BTD: variants seen among roughly 807,000 people sequenced by gnomAD.
BTD encodes the protein biocytinase.
BTD carries 13 observed loss-of-function variants against 17.7 expected under a neutral mutation model. The observed-to-expected ratio is 0.74, with a 90% CI of 0.48 to 1.17. BTD has a LOEUF of 1.17. Ranked by LOEUF, BTD falls within the 50% of genes most tolerant of loss-of-function variation. The probability of loss-of-function intolerance (pLI) is 0.00; values close to 1 mark genes in which losing one functional copy is unlikely to be tolerated. For synonymous variants in BTD, 240 were observed against 245.2 expected (o/e 0.98, Z 0.20); for missense variants, 674 against 650.4 (o/e 1.04, Z -0.39).
In BTD at chr3:15,644,828, C is replaced by G. The variant is rs1449860088; in HGVS notation, c.912C>G (p.Asp304Glu). Residue 304 changes from aspartate (D) to glutamate (E), a missense_variant, in exon 4 of 4, where the codon GAC becomes GAG. Asp to Glu is a conservative substitution (Grantham distance 45, BLOSUM62 2). Transcript: ENST00000643237. ...HTPLESFWYH[D>E]MENPKSHLII... ...CTCTGGAGTCCTTTTGGTACCATGA[C>G]ATGGAAAATCCCAAAAGTCACCTTA... is the stretch of plus-strand genomic sequence containing the variant. 5 of 1,614,100 alleles carry G rather than the reference C, an allele frequency of 3.1e-6. No homozygotes were observed. The Admixed American group carries it at 6.7e-5, about 22-fold the overall frequency.
In BTD at chr3:15,676,896, C is replaced by T. The variant is rs938035476; in HGVS notation, c.400-33164C>T. On this transcript the variant is annotated intron_variant, in intron 3 of 3. Transcript: ENST00000672141. ...GACTAATGAAACCTATTCCAATAGT[C>T]ACATGTTTAAAAAAATCCATTTATC... is the stretch of plus-strand genomic sequence containing the variant. The T allele has an allele frequency of 8.3e-6, 10 of 1,209,016 alleles. No individual in the cohort carries two copies. The African/African-American group carries it at 1.2e-4, about 15-fold the overall frequency. The allele number at this position is 1,209,016 out of a possible 1,614,324, so 74.9% of individuals were successfully genotyped here. A position where few individuals can be genotyped will look rare whatever the true frequency, so the allele number is the denominator to read the frequency against.
exon 4 of BTD, chr3:15,712,085 A>C: frequency 1.5e-6 from 2 of 1,347,612 alleles, no homozygotes; most frequent in Non-Finnish European, 2.1e-6. Flanking sequence ...GAGACCATCT[A>C]AAAATTTTGA....
At position 15,685,185 on chromosome 3, in the gene BTD, T is replaced by C. The variant is rs55669002; in HGVS notation, c.400-24875T>C. 6,958 of 1,593,674 alleles carry C rather than the reference T, an allele frequency of 4.4e-3. 270 individuals carry two copies. The African/African-American group carries it at 0.078, about 18-fold the overall frequency. On this transcript the variant is annotated intron_variant, in intron 3 of 3. Coordinates refer to the BTD transcript ENST00000672141. ...TAAATATGTCATTCTTTTATCTCTGTTCACTACACAATGATATGCATTTGT... is the reference window on the plus strand; with the variant it reads ...TAAATATGTCATTCTTTTATCTCTGCTCACTACACAATGATATGCATTTGT...
Position 15,651,281 on chromosome 3 carries a change from A to G in BTD, c.*5793A>G, listed in dbSNP as rs960450197. Among the ~76,000 whole-genome samples the G allele has an allele frequency of 1.3e-5, 2 of 152,196 alleles. No individual in the cohort carries two copies. The highest frequency in any genetic ancestry group is 4.8e-5 in the African/African-American group (2 of 41,452). ...CGAGGCTTTTTTCCTCTGAGCAGAA[A>G]TTTCACTGTGATGCCAGTCAGGTAT... On this transcript the variant is annotated 3_prime_UTR_variant, in exon 4 of 4. Transcript: ENST00000643237.
chr3:15,636,592 A>G (rs372583586), intron 2 of BTD, among the ~76,000 whole-genome samples: 1 of 152,326 alleles, frequency 6.6e-6, no homozygotes, highest in East Asian at 1.9e-4. Flanking sequence ...AACAGGATGT[A>G]AACTCATTGT....
intron 3 of BTD, chr3:15,677,738 AT>A (rs993909824): frequency 1.7e-5 from 8 of 461,554 alleles, no homozygotes; most frequent in Non-Finnish European, 3.1e-5. Context: ...GTATGAGACA[AT>A]TATATTGTTG....
chr3:15,613,071 T>C (rs1298354176), intron 1 of BTD, among the ~76,000 whole-genome samples: 1 of 152,200 alleles, frequency 6.6e-6, no homozygotes, highest in Non-Finnish European at 1.5e-5. Flanking sequence ...GGGTAATCTC[T>C]TTTGATTAAC....
chr3:15,679,179 A>G, intron 3 of BTD: 2 of 848,226 alleles, frequency 2.4e-6, no homozygotes, highest in South Asian at 3.0e-5. Flanking sequence ...TATGTTGACC[A>G]GGCTGGTCTT....
Position 15,652,960 on chromosome 3 carries a change from A to G in BTD, c.*7472A>G, listed in dbSNP as rs1349465973. 6.6e-6 allele frequency among the ~76,000 whole-genome samples: 1 copy of G among 151,318 alleles called. No individual in the cohort carries two copies. The stretch of plus-strand genomic sequence containing the variant: ...CAACAAAAAGAAGGGTCCATGCTGA[A>G]CAAACTTGTTTGCTTTGAAATCGGA... On this transcript the variant is annotated 3_prime_UTR_variant, in exon 4 of 4. Transcript: ENST00000643237.
At chr3:15,698,513 CCTT>C (rs1180199625) in intron 3 of BTD, among the ~76,000 whole-genome samples, 2 of 152,174 alleles carry the variant, frequency 1.3e-5, no homozygotes, top group Non-Finnish European at 2.9e-5. Flanking sequence ...CTCAAAATCT[CCTT>C]AAGCTGATAA....
chr3:15,698,438 G>T (rs2070015690), intron 3 of BTD, among the ~76,000 whole-genome samples: 1 of 152,176 alleles, frequency 6.6e-6, no homozygotes, highest in Non-Finnish European at 1.5e-5. Flanking sequence ...TAGGAAAAGA[G>T]GAAGTCAAAT....
chr3:15,684,336 G>A (rs963536829), intron 3 of BTD: 1 of 152,196 alleles, frequency 6.6e-6, no homozygotes, highest in Non-Finnish European at 1.5e-5. Context: ...CGATGACTGT[G>A]ACTGTGAGCC....
chr3:15,650,261 T>A lies in BTD; in HGVS notation c.*4773T>A, dbSNP rs953327510. ...GAAACATTATTTCCGTTTGGAAAGT[T>A]TTTTTATTTTTGTGTTCAGTACTGA... On this transcript the variant is annotated 3_prime_UTR_variant, in exon 4 of 4. Transcript: ENST00000643237. Among the ~76,000 whole-genome samples, 1 of 152,178 alleles carries A rather than the reference T, an allele frequency of 6.6e-6. No individual in the cohort carries two copies. Among genetic ancestry groups the A allele is most frequent in the South Asian group, 2.1e-4 (1 of 4,830 alleles).
intron 3 of BTD, chr3:15,678,177 A>G (rs1214796622): frequency 6.3e-7 from 1 of 1,576,590 alleles, no homozygotes; most frequent in Non-Finnish European, 8.6e-7. Flanking sequence ...ACACATACTT[A>G]GGAAAATACA....
At position 15,650,437 on chromosome 3, in the gene BTD, C is replaced by CAA. The variant is rs3048217; in HGVS notation, c.*4960_*4961dup. On this transcript the variant is annotated 3_prime_UTR_variant, in exon 4 of 4. Transcript: ENST00000643237. ...CTTCATCTTTTTCTTTTTGTTTGAG[C>CAA]AAAAAAAAAAAAGAATATATTAACT... Among the ~76,000 whole-genome samples, 661 of 150,028 alleles carry CAA rather than the reference C, an allele frequency of 4.4e-3. 7 individuals are homozygous for CAA. The highest frequency in any genetic ancestry group is 0.015 in the South Asian group (72 of 4,750).
chr3:15,621,334 TG>T (rs956176233), intron 1 of BTD, among the ~76,000 whole-genome samples: 5 of 152,228 alleles, frequency 3.3e-5, no homozygotes, highest in Non-Finnish European at 7.3e-5. Context: ...GTTTCAGTAT[TG>T]GGGTAATGCT....
intron 3 of BTD, among the ~76,000 whole-genome samples, chr3:15,706,865 T>C (rs1305589614): frequency 1.3e-5 from 2 of 152,332 alleles, no homozygotes; most frequent in Non-Finnish European, 2.9e-5. Context: ...TTTTCATGTG[T>C]CTGTTGGCTG....
chr3:15,713,758 A>C (rs1261361047), downstream of BTD: 1 of 539,334 alleles, frequency 1.9e-6, no homozygotes, highest in African/African-American at 2.0e-5. Context: ...CAGCAATTTT[A>C]ACTAGATTTC....
chr3:15,692,586 T>G (rs990000629), intron 3 of BTD, among the ~76,000 whole-genome samples: 7 of 152,218 alleles, frequency 4.6e-5, no homozygotes, highest in Admixed American at 3.9e-4. Context: ...ATGTCCAGTA[T>G]GACTAAAATT....
Sources: allele counts gnomAD v4.1 joint callset (sites outside exome capture counted in the v4.1 genomes callset), GRCh38; gene constraint gnomAD v4.1.1; transcripts MANE v1.5; gene names NCBI Gene and HGNC (gene_info 2026-07-23, HGNC 2026-07-21).